Variants in PTPRK observed in about 807,000 individuals in gnomAD.
PTPRK encodes protein tyrosine phosphatase receptor type K, also known as receptor-type tyrosine-protein phosphatase kappa.
Under a neutral mutation model 178.0 loss-of-function variants are expected in PTPRK, and 75 were observed. The ratio of observed to expected loss-of-function variants is 0.42; its 90% CI spans 0.35 to 0.51. The LOEUF (loss-of-function observed/expected upper bound fraction) is 0.51. Ranked by LOEUF, PTPRK falls within the 20% of genes least tolerant of loss-of-function variation. The probability of loss-of-function intolerance (pLI) is 0.02; values close to 1 mark genes in which losing one functional copy is unlikely to be tolerated. For missense variants in PTPRK, 1,441 were observed against 1,797.8 expected (o/e 0.80, Z 3.59); for synonymous variants, 637 against 620.6 (o/e 1.03, Z -0.39).
At chr6:128,517,958 T>C (rs559291650) in intron 1 of PTPRK, among the ~76,000 whole-genome samples, 20 of 152,316 alleles carry the variant, frequency 1.3e-4, no homozygotes, top group African/African-American at 4.8e-4. Flanking sequence ...AATACATCTC[T>C]AATCTATGTC....
At chr6:128,242,073 T>A (rs975532011) in intron 4 of PTPRK, among the ~76,000 whole-genome samples, 1 of 151,882 alleles carries the variant, frequency 6.6e-6, no homozygotes, top group Non-Finnish European at 1.5e-5. Flanking sequence ...AAAGTAGTCC[T>A]AAATTTGGAA....
At chr6:128,446,484 G>A (rs1008090771) in intron 1 of PTPRK, among the ~76,000 whole-genome samples, 1 of 152,116 alleles carries the variant, frequency 6.6e-6, no homozygotes, top group African/African-American at 2.4e-5. Flanking sequence ...AATTGATACG[G>A]CATGCTATGG....
At chr6:128,117,082 G>T (rs1423823964) in intron 7 of PTPRK, among the ~76,000 whole-genome samples, 2 of 152,014 alleles carry the variant, frequency 1.3e-5, no homozygotes, top group Non-Finnish European at 2.9e-5. Flanking sequence ...GGAGGCGGAG[G>T]TTGCAGTGAG....
intron 2 of PTPRK, among the ~76,000 whole-genome samples, chr6:128,385,194 T>A (rs972403384): frequency 2.0e-5 from 3 of 151,618 alleles, no homozygotes; most frequent in African/African-American, 7.3e-5. Context: ...CACTTCTGAT[T>A]CTTCCTTGCA....
intron 11 of PTPRK, among the ~76,000 whole-genome samples, chr6:128,072,469 G>A (rs909990982): frequency 2.0e-4 from 31 of 151,828 alleles, no homozygotes; most frequent in South Asian, 4.1e-4. Context: ...TACAAAACCT[G>A]TTTTATAATA....
intron 1 of PTPRK, among the ~76,000 whole-genome samples, chr6:128,430,770 T>C (rs1236181894): frequency 6.6e-6 from 1 of 151,760 alleles, no homozygotes; most frequent in Non-Finnish European, 1.5e-5. Flanking sequence ...TCAGGAAAAT[T>C]TGGATTAGGA....
At chr6:128,217,637 G>T (rs1809583666) in intron 6 of PTPRK, among the ~76,000 whole-genome samples, 1 of 152,164 alleles carries the variant, frequency 6.6e-6, no homozygotes, top group African/African-American at 2.4e-5. Flanking sequence ...GATATTTGAT[G>T]CCAAGCATTA....
chr6:128,221,831 T>C (rs1375581169), intron 5 of PTPRK, among the ~76,000 whole-genome samples: 2 of 150,186 alleles, frequency 1.3e-5, no homozygotes, highest in South Asian at 2.1e-4. Flanking sequence ...TATCCAAAAA[T>C]ATAAATCCAT....
chr6:127,986,521 T>C (rs1209122894), intron 21 of PTPRK, among the ~76,000 whole-genome samples: 1 of 152,218 alleles, frequency 6.6e-6, no homozygotes, highest in Admixed American at 6.5e-5. Flanking sequence ...TGTGCTGCTC[T>C]CCTATTGGGT....
intron 3 of PTPRK, among the ~76,000 whole-genome samples, chr6:128,306,464 T>C (rs17055597): frequency 0.08 from 12,157 of 152,154 alleles, 564 homozygotes; most frequent in African/African-American, 0.12. Context: ...GACCAGCCAC[T>C]TTACTATGAC....
chr6:128,105,180 C>G lies in PTPRK; in HGVS notation c.1163-15188G>C, dbSNP rs149403418. Among the ~76,000 whole-genome samples, 432 of 150,686 alleles carry G rather than the reference C, an allele frequency of 2.9e-3. 1 individual carries two copies. The highest frequency in any genetic ancestry group is 5.2e-3 in the Non-Finnish European group (354 of 67,822). ...ACGGAGTCTTGCTCTGTCGCCCAGGCTGGAGTGCAGTGGCACGATCTCGGC... is the reference window on the plus strand; with the variant it reads ...ACGGAGTCTTGCTCTGTCGCCCAGGGTGGAGTGCAGTGGCACGATCTCGGC... On this transcript the variant is annotated intron_variant, in intron 7 of 29. Coordinates refer to ENST00000368226, the MANE Select transcript of PTPRK (RefSeq NM_002844.4).
intron 7 of PTPRK, among the ~76,000 whole-genome samples, chr6:128,182,742 C>T (rs1203907672): frequency 6.6e-6 from 1 of 151,998 alleles, no homozygotes; most frequent in Non-Finnish European, 1.5e-5. Context: ...TGTTTTTATC[C>T]ACTTAACACA....
At chr6:128,142,907 G>A (rs1795979509) in intron 7 of PTPRK, among the ~76,000 whole-genome samples, 1 of 151,830 alleles carries the variant, frequency 6.6e-6, no homozygotes, top group South Asian at 2.1e-4. Flanking sequence ...AGACAATTTG[G>A]TACATTGTTT....
chr6:127,997,055 T>C, intron 16 of PTPRK, 67 bp from the exon 17 acceptor site: 1 of 1,513,366 alleles, frequency 6.6e-7, no homozygotes, highest in Non-Finnish European at 9.0e-7. Flanking sequence ...TTATCTGTTC[T>C]GAAGCCCCAA....
intron 25 of PTPRK, among the ~76,000 whole-genome samples, chr6:127,980,511 C>T (rs1176018836): frequency 6.6e-6 from 1 of 150,988 alleles, no homozygotes; most frequent in East Asian, 1.9e-4. Context: ...AAACCAAAAA[C>T]TAAAACAGAA....
At chr6:128,471,472 A>G (rs1850642082) in intron 1 of PTPRK, among the ~76,000 whole-genome samples, 1 of 151,752 alleles carries the variant, frequency 6.6e-6, no homozygotes, top group Non-Finnish European at 1.5e-5. Context: ...GAAACTTACC[A>G]AGAACAGTTT....
intron 7 of PTPRK, among the ~76,000 whole-genome samples, chr6:128,132,832 C>T (rs969102707): frequency 1.3e-5 from 2 of 152,128 alleles, no homozygotes; most frequent in African/African-American, 4.8e-5. Context: ...TTTTATAATG[C>T]TTTGTTGCCC....
intron 1 of PTPRK, among the ~76,000 whole-genome samples, chr6:128,398,157 G>T (rs1840580337): frequency 6.6e-6 from 1 of 152,126 alleles, no homozygotes; most frequent in African/African-American, 2.4e-5. Flanking sequence ...GCAGCTCAAG[G>T]GAACAGTACG....
chr6:127,977,041 G>A lies in PTPRK; in HGVS notation c.3725C>T (p.Pro1242Leu), dbSNP rs1774683869. The A allele has an allele frequency of 6.2e-7, 1 of 1,613,992 alleles. No homozygotes were observed. The highest frequency in any genetic ancestry group is 8.5e-7 in the Non-Finnish European group (1 of 1,179,886). Reference protein sequence around the residue: ...NAALMDSYRQPAAFIVTQYPL... With the variant: ...NAALMDSYRQLAAFIVTQYPL... ...GTATTGTGTGACGATGAAAGCAGCT[G>A]GTTGCCTGTAGCTCTGTGAAGAAAC... The change falls in exon 26 of 30, where the codon CCA (proline) becomes CTA (leucine). Residue 1242 changes from proline to leucine, a missense_variant. Coordinates refer to ENST00000368226, the MANE Select transcript of PTPRK (RefSeq NM_002844.4).
Sources: gnomAD v4.1 joint callset for allele counts (sites outside exome capture counted in the v4.1 genomes callset) on GRCh38, gnomAD v4.1.1 for gene constraint, MANE v1.5 for transcripts, NCBI Gene and HGNC (gene_info 2026-07-23, HGNC 2026-07-21) for gene names.